ACCSL: variants seen among roughly 807,000 people sequenced by gnomAD.
ACCSL encodes the protein probable inactive 1-aminocyclopropane-1-carboxylate synthase-like protein 2.
Under a neutral mutation model 61.7 loss-of-function variants are expected in ACCSL, and 55 were observed. That is an observed-to-expected ratio of 0.89 (90% CI 0.72 to 1.12). ACCSL has a LOEUF of 1.12. Ranked by LOEUF, ACCSL falls within the 50% of genes most tolerant of loss-of-function variation. ACCSL has a pLI of 0.00. For missense variants in ACCSL, 632 were observed against 698.0 expected (o/e 0.91, Z 1.07); for synonymous variants, 258 against 264.3 (o/e 0.98, Z 0.23).
At chr11:43,963,121 A>C in the ACCSL span, among the ~76,000 whole-genome samples, 16 of 152,210 alleles carry the variant, frequency 1.1e-4, no homozygotes, top group African/African-American at 3.9e-4. Context: ...AGGTCTATGC[A>C]TCAGATACAC....
chr11:43,935,335 C>T, the ACCSL span, among the ~76,000 whole-genome samples: 1 of 102,046 alleles, frequency 9.8e-6, no homozygotes, highest in East Asian at 2.7e-4. Flanking sequence ...AACCTGCAAC[C>T]AGGCTTCTGG....
chr11:43,981,828 G>A, the ACCSL span, among the ~76,000 whole-genome samples: 2 of 152,312 alleles, frequency 1.3e-5, no homozygotes, highest in Non-Finnish European at 2.9e-5. Flanking sequence ...GAGATGAGCT[G>A]GTGTTCCTGT....
intron 1 of ACCSL, among the ~76,000 whole-genome samples, chr11:44,049,441 A>AG (rs1952622154): frequency 6.6e-6 from 1 of 151,084 alleles, no homozygotes; most frequent in Non-Finnish European, 1.5e-5. Flanking sequence ...AAAAAAAAAA[A>AG]AAAAGGAATG....
chr11:44,030,911 G>A, the ACCSL span, among the ~76,000 whole-genome samples: 2 of 152,146 alleles, frequency 1.3e-5, no homozygotes, highest in Non-Finnish European at 2.9e-5. Context: ...GAAGAGACAA[G>A]GAGGGTCCTA....
the ACCSL span, among the ~76,000 whole-genome samples, chr11:43,972,779 C>A: frequency 0.048 from 7,322 of 152,266 alleles, 294 homozygotes; most frequent in Non-Finnish European, 0.068. Flanking sequence ...ATAACCCAAG[C>A]AATGACCCAG....
At chr11:44,055,696 T>C (rs1359960552) in intron 9 of ACCSL, among the ~76,000 whole-genome samples, 4 of 152,178 alleles carry the variant, frequency 2.6e-5, no homozygotes, top group East Asian at 3.9e-4. Context: ...TCACCAAAGG[T>C]GGAGCAGTAG....
chr11:43,978,779 G>A, the ACCSL span, among the ~76,000 whole-genome samples: 17,472 of 133,052 alleles, frequency 0.13, 1,195 homozygotes, highest in South Asian at 0.15. Context: ...ACCTGAGAAG[G>A]TGGGTTTTTT....
chr11:44,052,382 G>C (rs997545394), intron 5 of ACCSL, among the ~76,000 whole-genome samples: 1 of 152,170 alleles, frequency 6.6e-6, no homozygotes, highest in African/African-American at 2.4e-5. Context: ...AGTGAGCCTC[G>C]CTTGACTTGT....
At chr11:43,967,167 C>CTTTTTTTTTTTTTTTTTTTTT in the ACCSL span, among the ~76,000 whole-genome samples, 12 of 62,706 alleles carry the variant, frequency 1.9e-4, 3 homozygotes, top group African/African-American at 3.4e-4. Context: ...TCTTCTTCTT[C>CTTTTTTTTTTTTTTTTTTTTT]TTTTTTTTTT....
the ACCSL span, chr11:43,943,000 C>G: frequency 2.7e-6 from 4 of 1,506,200 alleles, no homozygotes; most frequent in African/African-American, 2.9e-5. Context: ...TCCCGCAGCC[C>G]GTGCGGCCCG....
the ACCSL span, among the ~76,000 whole-genome samples, chr11:43,922,616 G>A: frequency 6.6e-6 from 1 of 152,224 alleles, no homozygotes; most frequent in Non-Finnish European, 1.5e-5. Context: ...CCAACTTCTG[G>A]TGAGTTAGAC....
upstream of ACCSL, chr11:44,047,843 T>G: frequency 1.6e-6 from 1 of 642,658 alleles, no homozygotes; most frequent in Non-Finnish European, 2.6e-6. Flanking sequence ...CCCTAAAGAG[T>G]AGGTAACTCT....
the ACCSL span, chr11:43,942,575 G>C: frequency 3.3e-6 from 1 of 304,044 alleles, no homozygotes; most frequent in South Asian, 2.4e-5. Context: ...GCTGTCATCC[G>C]AGCTCAGAGC....
In ACCSL at chr11:44,059,939, A is replaced by G. The variant is rs1210657161; in HGVS notation, c.*19A>G. The G allele has an allele frequency of 1.2e-6, 2 of 1,611,098 alleles. No homozygotes were observed. The highest frequency in any genetic ancestry group is 1.1e-5 in the South Asian group (1 of 90,942). Reference sequence around the variant, plus strand: ...GGAGTAGGCCGTCTGCCTCCCAACCAGCAGTTCCAGCCCATCACTTGCTCA... The same window carrying G: ...GGAGTAGGCCGTCTGCCTCCCAACCGGCAGTTCCAGCCCATCACTTGCTCA... On this transcript the variant is annotated 3_prime_UTR_variant, in exon 14 of 14. Transcript: ENST00000378832.
chr11:43,946,669 G>C, the ACCSL span, among the ~76,000 whole-genome samples: 1 of 152,104 alleles, frequency 6.6e-6, no homozygotes, highest in East Asian at 1.9e-4. Flanking sequence ...AAATTCTATT[G>C]AATAGATACT....
At chr11:44,004,599 T>C in the ACCSL span, among the ~76,000 whole-genome samples, 30,139 of 152,152 alleles carry the variant, frequency 0.2, 3,165 homozygotes, top group East Asian at 0.34. Flanking sequence ...GCAGGCAGGA[T>C]GGCTATCGGG....
chr11:43,995,983 AC>A, the ACCSL span, among the ~76,000 whole-genome samples: 1 of 152,184 alleles, frequency 6.6e-6, no homozygotes, highest in Non-Finnish European at 1.5e-5. Flanking sequence ...ATCCAATATG[AC>A]CTGTGTCCTT....
the ACCSL span, among the ~76,000 whole-genome samples, chr11:43,983,579 A>G: frequency 6.6e-6 from 1 of 152,164 alleles, no homozygotes; most frequent in African/African-American, 2.4e-5. Context: ...GAACGCACTG[A>G]ACAGATCGAG....
At chr11:43,996,997 G>A in the ACCSL span, among the ~76,000 whole-genome samples, 11 of 151,950 alleles carry the variant, frequency 7.2e-5, no homozygotes, top group East Asian at 1.9e-3. Context: ...ATTTTTAGTA[G>A]AGACAGTTTC....
Sources: allele counts gnomAD v4.1 joint callset (sites outside exome capture counted in the v4.1 genomes callset), GRCh38; gene constraint gnomAD v4.1.1; transcripts MANE v1.5; gene names NCBI Gene and HGNC (gene_info 2026-07-23, HGNC 2026-07-21).